ZC3H3: variants seen among roughly 807,000 people sequenced by gnomAD.
ZC3H3 encodes zinc finger CCCH domain-containing protein 3.
A neutral mutation model predicts 77.3 loss-of-function variants in ZC3H3; 36 were observed. The observed-to-expected ratio is 0.47, with a 90% confidence interval of 0.36 to 0.61. ZC3H3 has a LOEUF of 0.61. ZC3H3 is among the 20% of genes least tolerant of loss of function. ZC3H3 has a pLI of 0.00. For synonymous variants in ZC3H3, 626 were observed against 555.2 expected (o/e 1.13, Z -1.79); for missense variants, 1,331 against 1,312.2 (o/e 1.01, Z -0.22).
At chr8:143,440,869 C>A (rs183800592) in intron 10 of ZC3H3, 67 bp downstream of exon 10, 9 of 1,331,184 alleles carry the variant, frequency 6.8e-6, no homozygotes, top group Non-Finnish European at 8.6e-6. Flanking sequence ...CAGAGGGCCC[C>A]GGGCATCTCC....
rs1423279003 is a variant in ZC3H3, at chr8:143,530,392, CA to C, written c.1561+5864del. 6.6e-6 allele frequency among the ~76,000 whole-genome samples: 1 copy of C among 152,182 alleles called. No homozygotes were observed. The highest frequency in any genetic ancestry group is 6.5e-5 in the Admixed American group (1 of 15,280). On this transcript the variant is annotated intron_variant, in intron 3 of 11. Coordinates refer to ENST00000262577, the MANE Select transcript of ZC3H3 (RefSeq NM_015117.3). This position sits in a 1 kb window ranked among gnomAD's most constrained non-coding sequence, Gnocchi z 4.3. ...AGCAGAGAGGGCCCTCCCACTCCAGCAGATGACGACACCACTGCCTACCCAC... is the reference window on the plus strand; with the variant it reads ...AGCAGAGAGGGCCCTCCCACTCCAGCGATGACGACACCACTGCCTACCCAC...
chr8:143,507,135 G>A (rs186651405), intron 4 of ZC3H3, among the ~76,000 whole-genome samples: 6 of 152,354 alleles, frequency 3.9e-5, no homozygotes, highest in Admixed American at 6.5e-5. Context: ...GAGGCCCAGA[G>A]GCTGAGCAAC....
chr8:143,484,850 A>C (rs1029585459), intron 4 of ZC3H3: 2 of 455,082 alleles, frequency 4.4e-6, no homozygotes, highest in Non-Finnish European at 8.8e-6. Flanking sequence ...GCCCTGGGAC[A>C]GCCCCTCCGA....
At chr8:143,531,276 T>A (rs1822596931) in intron 3 of ZC3H3, among the ~76,000 whole-genome samples, 2 of 151,632 alleles carry the variant, frequency 1.3e-5, no homozygotes, top group Admixed American at 1.3e-4. Context: ...CACATCCTCA[T>A]CCCCCAGCTG....
intron 9 of ZC3H3, among the ~76,000 whole-genome samples, chr8:143,457,772 C>T (rs1820159019): frequency 6.6e-6 from 1 of 152,110 alleles, no homozygotes; most frequent in Admixed American, 6.6e-5. Flanking sequence ...GACGCTGAGG[C>T]AGGAGGATTG....
At chr8:143,492,080 G>A (rs760367657) in intron 4 of ZC3H3, among the ~76,000 whole-genome samples, 5 of 152,316 alleles carry the variant, frequency 3.3e-5, no homozygotes, top group African/African-American at 4.8e-5. Flanking sequence ...GGACACATGC[G>A]TGCCGAGAGG....
chr8:143,460,988 G>A lies in ZC3H3; in HGVS notation c.2307+4729C>T, dbSNP rs376414832. 6.6e-6 allele frequency among the ~76,000 whole-genome samples: 1 copy of A among 152,290 alleles called. No homozygotes were observed. The highest frequency in any genetic ancestry group is 2.4e-5 in the African/African-American group (1 of 41,540). On this transcript the variant is annotated intron_variant, in intron 9 of 11. Coordinates refer to ENST00000262577, the MANE Select transcript of ZC3H3 (RefSeq NM_015117.3). The surrounding 1 kb of genome is among the most constrained non-coding windows in gnomAD (Gnocchi z 4.0). The stretch of plus-strand genomic sequence containing the variant: ...GTGGAGAGTCATTGCTGAATACTCA[G>A]TGTTTCTGTCAGGAGTGAGGAAAAC...
chr8:143,516,560 CACACACA>C (rs1822054940), intron 3 of ZC3H3, among the ~76,000 whole-genome samples: 5 of 78,500 alleles, frequency 6.4e-5, no homozygotes, highest in African/African-American at 2.9e-4. Context: ...CACACACACA[CACACACA>C]TACACACACA....
chr8:143,485,202 G>A (rs1821020256), intron 4 of ZC3H3, among the ~76,000 whole-genome samples: 1 of 152,236 alleles, frequency 6.6e-6, no homozygotes, highest in African/African-American at 2.4e-5. Flanking sequence ...GAGGGAGGCA[G>A]GCGGGGCCAG....
intron 4 of ZC3H3, among the ~76,000 whole-genome samples, chr8:143,501,801 G>A (rs548585554): frequency 1.5e-4 from 23 of 151,762 alleles, no homozygotes; most frequent in East Asian, 7.8e-4. Context: ...CCCGGGGCGC[G>A]GGTGTTACGT....
chr8:143,526,076 A>C (rs997600894), intron 3 of ZC3H3, among the ~76,000 whole-genome samples: 16 of 152,244 alleles, frequency 1.1e-4, no homozygotes, highest in African/African-American at 1.9e-4. Context: ...CCAGGGCTAC[A>C]CCAAAACCCA....
rs903397760 is a variant in ZC3H3, at chr8:143,493,508, G to A, written c.1715+14238C>T. 5.9e-5 allele frequency among the ~76,000 whole-genome samples: 9 copies of A among 152,174 alleles called. No homozygotes were observed. Among genetic ancestry groups the A allele is most frequent in the Non-Finnish European group, 8.8e-5 (6 of 68,032 alleles). On this transcript the variant is annotated intron_variant, in intron 4 of 11. Coordinates refer to ENST00000262577, the MANE Select transcript of ZC3H3 (RefSeq NM_015117.3). This position sits in a 1 kb window ranked among gnomAD's most constrained non-coding sequence, Gnocchi z 4.8. Reference sequence around the variant, plus strand: ...GAGAAGGTGGAAGGTATGCAGGCTCGGGGGGATGCCAGCTCAGCCCTGCTG... The same window carrying A: ...GAGAAGGTGGAAGGTATGCAGGCTCAGGGGGATGCCAGCTCAGCCCTGCTG...
intron 9 of ZC3H3, among the ~76,000 whole-genome samples, chr8:143,446,950 C>T (rs1819876027): frequency 6.6e-6 from 1 of 152,260 alleles, no homozygotes. Flanking sequence ...ACCAGGTCAC[C>T]TTTTCCCCAA....
In ZC3H3 at chr8:143,507,813, G is replaced by A. The variant is rs1325841950; in HGVS notation, c.1648C>T (p.Pro550Ser). The A allele has an allele frequency of 6.2e-7, 1 of 1,607,748 alleles. No individual in the cohort carries two copies. The highest frequency in any genetic ancestry group is 8.5e-7 in the Non-Finnish European group (1 of 1,178,400). ...AGGGGGAAGGGCGGGGCGCTGAGAG[G>A]CGAGGCCGGCGTCTTCTTGACAATG... ...YRIVKKTPAS[P>S]LSAPPFPLSL... is the part of the protein sequence containing the mutation. Residue 550 changes from proline to serine, a missense_variant, in exon 4 of 12, where the codon CCT (proline) becomes TCT (serine). Physicochemically the swap from Pro to Ser is moderately conservative, Grantham distance 74. This residue lies in a region of ZC3H3 where 978 missense variants were observed against 915.5 expected (regional missense o/e 1.07). Coordinates refer to ENST00000262577, the MANE Select transcript of ZC3H3 (RefSeq NM_015117.3).
At chr8:143,536,741 C>T (rs962190316) in intron 2 of ZC3H3, among the ~76,000 whole-genome samples, 4 of 152,180 alleles carry the variant, frequency 2.6e-5, no homozygotes, top group Non-Finnish European at 5.9e-5. Context: ...CGTCCCCACC[C>T]GCATGTCCAC....
intron 3 of ZC3H3, among the ~76,000 whole-genome samples, chr8:143,535,784 G>A (rs1337066144): frequency 6.6e-6 from 1 of 152,236 alleles, no homozygotes; most frequent in Admixed American, 6.5e-5. Context: ...CAGGAGACCA[G>A]ACCAATTCTT....
intron 5 of ZC3H3, 76 bp downstream of exon 5, chr8:143,475,322 G>T (rs1820701522): frequency 1.3e-6 from 2 of 1,493,276 alleles, no homozygotes; most frequent in South Asian, 2.6e-5. Flanking sequence ...TGGAGGTTAG[G>T]GGGTCTGGCC....
Position 143,523,383 on chromosome 8 carries a change from C to T in ZC3H3, c.1561+12874G>A, listed in dbSNP as rs919955311. 8.3e-5 allele frequency: 82 copies of T among 985,254 alleles called. No homozygotes were observed. In the African/African-American group the frequency reaches 1.4e-3, roughly 17 times the overall value. The allele number at this position is 985,254 out of a possible 1,614,324, so 61.0% of individuals were successfully genotyped here. ...AGAGCAGGCAGCTTCAGAATGCTGCCGCGACGCCCCTGCAGTTCATGTTTT... is the reference window on the plus strand; with the variant it reads ...AGAGCAGGCAGCTTCAGAATGCTGCTGCGACGCCCCTGCAGTTCATGTTTT... On this transcript the variant is annotated intron_variant, in intron 3 of 11. Coordinates refer to ENST00000262577, the MANE Select transcript of ZC3H3 (RefSeq NM_015117.3).
In ZC3H3 at chr8:143,493,262, C is replaced by A. The variant is rs1821256394; in HGVS notation, c.1715+14484G>T. ...GTGTCCTGGCCCAGATCTGCCCTGC[C>A]TGCCAGCAAGGGCTGGGGTCTAAGA... On this transcript the variant is annotated intron_variant, in intron 4 of 11. Transcript: ENST00000262577. This position sits in a 1 kb window ranked among gnomAD's most constrained non-coding sequence, Gnocchi z 4.8. 6.6e-6 allele frequency among the ~76,000 whole-genome samples: 1 copy of A among 152,252 alleles called. No homozygotes were observed. Among genetic ancestry groups the A allele is most frequent in the Admixed American group, 6.5e-5 (1 of 15,290 alleles).
Sources: allele counts gnomAD v4.1 joint callset (sites outside exome capture counted in the v4.1 genomes callset), GRCh38; gene constraint gnomAD v4.1.1; regional missense constraint gnomAD v4.1.1; non-coding constraint Gnocchi (gnomAD v3.1); transcripts MANE v1.5; gene names NCBI Gene and HGNC (gene_info 2026-07-23, HGNC 2026-07-21).